C16orf78: variants seen among roughly 807,000 people sequenced by gnomAD.
C16orf78 encodes the protein uncharacterized protein C16orf78.
C16orf78 carries 19 observed loss-of-function variants against 27.3 expected under a neutral mutation model. The observed-to-expected ratio is 0.70, with a 90% confidence interval of 0.49 to 1.02. The LOEUF (loss-of-function observed/expected upper bound fraction) is 1.02. C16orf78 is among the 50% of genes least tolerant of loss of function. The probability of loss-of-function intolerance (pLI) is 0.00; values close to 1 mark genes in which losing one functional copy is unlikely to be tolerated. For synonymous variants in C16orf78, 130 were observed against 116.1 expected, an observed-to-expected ratio of 1.12 and a Z score of -0.77; for missense variants, 339 against 337.0, an observed-to-expected ratio of 1.01 and a Z score of -0.05.
At chr16:49,395,971 G>C (rs367672196) in intron 3 of C16orf78, among the ~76,000 whole-genome samples, 3 of 152,108 alleles carry the variant, frequency 2.0e-5, no homozygotes, top group Non-Finnish European at 4.4e-5. Context: ...GGCTAGGCAC[G>C]GTGGCTCATG....
intron 3 of C16orf78, among the ~76,000 whole-genome samples, chr16:49,392,843 T>C (rs550506328): frequency 3.3e-5 from 5 of 152,170 alleles, no homozygotes; most frequent in Non-Finnish European, 4.4e-5. Flanking sequence ...CCAAACCTCA[T>C]CTTGAATTGT....
intron 3 of C16orf78, among the ~76,000 whole-genome samples, chr16:49,393,547 G>A (rs993944213): frequency 1.3e-5 from 2 of 151,868 alleles, no homozygotes; most frequent in African/African-American, 2.4e-5. Flanking sequence ...AATAAATAAC[G>A]AAATAAGCCT....
At chr16:49,391,520 G>T (rs777861915) in intron 3 of C16orf78, among the ~76,000 whole-genome samples, 1 of 152,142 alleles carries the variant, frequency 6.6e-6, no homozygotes, top group Non-Finnish European at 1.5e-5. Context: ...CCAGAAAAAG[G>T]CTCTGACAAT....
At chr16:49,381,657 GA>G (rs1965288866) in intron 3 of C16orf78, among the ~76,000 whole-genome samples, 1 of 151,130 alleles carries the variant, frequency 6.6e-6, no homozygotes, top group African/African-American at 2.4e-5. Context: ...AAAAACACAT[GA>G]AAAAATGCTC....
At chr16:49,379,070 T>G (rs1363786195) in intron 3 of C16orf78, among the ~76,000 whole-genome samples, 2 of 152,172 alleles carry the variant, frequency 1.3e-5, no homozygotes, top group South Asian at 2.1e-4. Flanking sequence ...GTCCTGACCC[T>G]GGCTCTACCA....
chr16:49,374,929 C>A (rs1965195341), intron 1 of C16orf78, among the ~76,000 whole-genome samples: 1 of 152,134 alleles, frequency 6.6e-6, no homozygotes, highest in Non-Finnish European at 1.5e-5. Flanking sequence ...AATCTCCTGA[C>A]CCTAGAGCAA....
chr16:49,391,721 T>C (rs542172207), intron 3 of C16orf78, among the ~76,000 whole-genome samples: 2 of 152,336 alleles, frequency 1.3e-5, no homozygotes, highest in East Asian at 1.9e-4. Flanking sequence ...TTAGCTAATC[T>C]GTGTAATTGT....
chr16:49,390,497 T>TTC (rs1018163593), intron 3 of C16orf78, among the ~76,000 whole-genome samples: 20 of 152,208 alleles, frequency 1.3e-4, no homozygotes, highest in African/African-American at 4.8e-4. Flanking sequence ...ATACCTAATC[T>TTC]TCTGTTAATC....
At chr16:49,389,694 C>T (rs1965390249) in intron 3 of C16orf78, among the ~76,000 whole-genome samples, 1 of 152,174 alleles carries the variant, frequency 6.6e-6, no homozygotes, top group Non-Finnish European at 1.5e-5. Context: ...ACATAAGAGC[C>T]TTATCAGAGT....
At chr16:49,382,543 C>T (rs556569829) in intron 3 of C16orf78, among the ~76,000 whole-genome samples, 1 of 152,152 alleles carries the variant, frequency 6.6e-6, no homozygotes, top group Non-Finnish European at 1.5e-5. Flanking sequence ...TCCCCTGCCA[C>T]CACGAGATTT....
rs550423968 is a variant in C16orf78 at position 49,377,258 on chromosome 16, G to A, written c.151-473G>A. ...GACCACCACTCCAGGAAGACAGGATGGGGTGGGCCTGGGGTGCTCCGGGAC... is the reference window on the plus strand; with the variant it reads ...GACCACCACTCCAGGAAGACAGGATAGGGTGGGCCTGGGGTGCTCCGGGAC... On this transcript the variant is annotated intron_variant, in intron 1 of 4. Coordinates refer to ENST00000299191, the MANE Select transcript of C16orf78 (RefSeq NM_144602.4). 3.0e-4 allele frequency among the ~76,000 whole-genome samples: 46 copies of A among 152,308 alleles called. No homozygotes were observed. The South Asian group carries it at 9.3e-3, about 31-fold the overall frequency.
At chr16:49,382,303 T>C (rs185651993) in intron 3 of C16orf78, among the ~76,000 whole-genome samples, 48 of 152,134 alleles carry the variant, frequency 3.2e-4, no homozygotes, top group African/African-American at 9.4e-4. Context: ...TTAGGAGATA[T>C]ACCTAATGCT....
chr16:49,384,234 G>T (rs184885701), intron 3 of C16orf78, among the ~76,000 whole-genome samples: 1 of 151,278 alleles, frequency 6.6e-6, no homozygotes, highest in Admixed American at 6.6e-5. Context: ...TGTAATCCCA[G>T]CTACTCAGGA....
At chr16:49,391,300 C>A (rs921031087) in intron 3 of C16orf78, among the ~76,000 whole-genome samples, 1 of 152,140 alleles carries the variant, frequency 6.6e-6, no homozygotes, top group African/African-American at 2.4e-5. Flanking sequence ...CCTCCCTGGG[C>A]ACCTATGTCC....
chr16:49,386,403 G>GT (rs1334144304), intron 3 of C16orf78, among the ~76,000 whole-genome samples: 1 of 152,186 alleles, frequency 6.6e-6, no homozygotes, highest in Non-Finnish European at 1.5e-5. Context: ...CTTCTCAAAT[G>GT]TATGTAGAAT....
Position 49,396,407 on chromosome 16 carries a change from A to G in C16orf78, c.395-16A>G. The G allele has an allele frequency of 1.9e-6, 3 of 1,613,392 alleles. No homozygotes were observed. Among genetic ancestry groups the G allele is most frequent in the Non-Finnish European group, 2.5e-6 (3 of 1,179,598 alleles). On this transcript the variant is annotated splice_polypyrimidine_tract_variant and intron_variant, in intron 3 of 4. Coordinates refer to ENST00000299191, the MANE Select transcript of C16orf78 (RefSeq NM_144602.4). The stretch of plus-strand genomic sequence containing the variant: ...TCCCACGGTCTAACTCTTTGATGGC[A>G]TCTGTCCAATTTCAGATACAGACAT...
At chr16:49,391,011 C>A (rs1376424947) in intron 3 of C16orf78, among the ~76,000 whole-genome samples, 2 of 152,128 alleles carry the variant, frequency 1.3e-5, no homozygotes, top group East Asian at 3.8e-4. Context: ...ATGACATGCC[C>A]AATTTTTTAA....
chr16:49,387,655 G>A (rs1243523515), intron 3 of C16orf78, among the ~76,000 whole-genome samples: 1 of 152,124 alleles, frequency 6.6e-6, no homozygotes, highest in Non-Finnish European at 1.5e-5. Context: ...GTAGAATTTG[G>A]CTGTGAATCT....
At chr16:49,387,937 G>C (rs542644656) in intron 3 of C16orf78, among the ~76,000 whole-genome samples, 1 of 152,128 alleles carries the variant, frequency 6.6e-6, no homozygotes, top group Admixed American at 6.6e-5. Context: ...TTTGGATCCT[G>C]TCTCTTTTCT....
Sources: allele counts gnomAD v4.1 joint callset (sites outside exome capture counted in the v4.1 genomes callset), GRCh38; gene constraint gnomAD v4.1.1; transcripts MANE v1.5; gene names NCBI Gene and HGNC (gene_info 2026-07-23, HGNC 2026-07-21).